Variants in TAFA4 observed in about 807,000 individuals in gnomAD.
TAFA4 encodes chemokine-like protein TAFA-4.
TAFA4 carries 20 observed loss-of-function variants against 21.1 expected under a neutral mutation model. The ratio of observed to expected loss-of-function variants is 0.95; its 90% confidence interval spans 0.67 to 1.38. TAFA4 has a LOEUF of 1.38. Ranked by LOEUF, TAFA4 falls within the 40% of genes most tolerant of loss-of-function variation. TAFA4 has a pLI of 0.00. For synonymous variants in TAFA4, 71 were observed against 67.4 expected, an observed-to-expected ratio of 1.05 and a Z score of -0.26; for missense variants, 211 against 180.9, an observed-to-expected ratio of 1.17 and a Z score of -0.95.
At chr3:68,843,083 T>C (rs1704702278) in intron 3 of TAFA4, among the ~76,000 whole-genome samples, 1 of 152,098 alleles carries the variant, frequency 6.6e-6, no homozygotes, top group African/African-American at 2.4e-5. Flanking sequence ...AAGTCAATGG[T>C]GGTTTGTTGG....
chr3:68,833,425 C>T (rs535536038), intron 3 of TAFA4, among the ~76,000 whole-genome samples: 2 of 152,116 alleles, frequency 1.3e-5, no homozygotes, highest in Non-Finnish European at 2.9e-5. Context: ...TAGAATCTTC[C>T]ATGCATGAAA....
chr3:68,897,423 T>G (rs1019655237), intron 1 of TAFA4, among the ~76,000 whole-genome samples: 6 of 151,860 alleles, frequency 4.0e-5, no homozygotes, highest in Admixed American at 1.3e-4. Flanking sequence ...ATCAGGAGGT[T>G]GAGACCAGTC....
intron 1 of TAFA4, among the ~76,000 whole-genome samples, chr3:68,930,735 A>G (rs1321434615): frequency 1.3e-5 from 2 of 152,170 alleles, no homozygotes; most frequent in African/African-American, 4.8e-5. Context: ...TAAGGCCTGT[A>G]TTTCCCATCT....
At chr3:68,755,577 C>A (rs2106757288) in intron 3 of TAFA4, among the ~76,000 whole-genome samples, 1 of 152,298 alleles carries the variant, frequency 6.6e-6, no homozygotes, top group Non-Finnish European at 1.5e-5. Context: ...AGCCCCTTCC[C>A]ACATGGCACC....
intron 1 of TAFA4, among the ~76,000 whole-genome samples, chr3:68,929,707 A>G (rs1327995109): frequency 6.6e-6 from 1 of 152,272 alleles, no homozygotes; most frequent in Non-Finnish European, 1.5e-5. Context: ...AAATCTACTT[A>G]TGCAAATTCT....
intron 3 of TAFA4, among the ~76,000 whole-genome samples, chr3:68,783,798 T>TA: frequency 6.6e-6 from 1 of 151,604 alleles, no homozygotes; most frequent in East Asian, 1.9e-4. Context: ...ATGGACTGAA[T>TA]AGATACCAAA....
chr3:68,879,969 C>A (rs2089596799), intron 3 of TAFA4, among the ~76,000 whole-genome samples: 1 of 152,160 alleles, frequency 6.6e-6, no homozygotes, highest in Non-Finnish European at 1.5e-5. Flanking sequence ...AGTCCATTGA[C>A]ACATATGAAT....
intron 3 of TAFA4, among the ~76,000 whole-genome samples, chr3:68,760,260 A>AT (rs916927807): frequency 2.6e-5 from 4 of 152,156 alleles, no homozygotes; most frequent in African/African-American, 7.2e-5. Flanking sequence ...AATACATATC[A>AT]TTTTTTTCTT....
intron 1 of TAFA4, among the ~76,000 whole-genome samples, chr3:68,923,509 G>A (rs182096554): frequency 5.3e-5 from 8 of 152,164 alleles, no homozygotes; most frequent in Admixed American, 4.6e-4. Context: ...CAACTCCAAC[G>A]AGAAGCAAAA....
intron 3 of TAFA4, among the ~76,000 whole-genome samples, chr3:68,809,140 G>A (rs903956484): frequency 6.6e-6 from 1 of 152,146 alleles, no homozygotes; most frequent in Non-Finnish European, 1.5e-5. Flanking sequence ...TGCTTTCAAG[G>A]AATGCCCTTT....
At chr3:68,866,437 A>T (rs575962114) in intron 3 of TAFA4, among the ~76,000 whole-genome samples, 140 of 152,154 alleles carry the variant, frequency 9.2e-4, no homozygotes, top group Non-Finnish European at 1.6e-3. Context: ...ACCTCTAAGC[A>T]AACATACCCC....
At chr3:68,866,006 A>G (rs2094089126) in intron 3 of TAFA4, among the ~76,000 whole-genome samples, 3 of 152,120 alleles carry the variant, frequency 2.0e-5, no homozygotes, top group Non-Finnish European at 2.9e-5. Flanking sequence ...CCAGCTTCCA[A>G]ACCATCTTGG....
At chr3:68,907,304 G>C (rs1165613760) in intron 1 of TAFA4, among the ~76,000 whole-genome samples, 4 of 152,176 alleles carry the variant, frequency 2.6e-5, no homozygotes, top group Admixed American at 2.6e-4. Flanking sequence ...ATTCTCAGTA[G>C]AATAGCTTTG....
intron 3 of TAFA4, among the ~76,000 whole-genome samples, chr3:68,788,114 C>T (rs751096282): frequency 6.6e-6 from 1 of 152,174 alleles, no homozygotes; most frequent in Non-Finnish European, 1.5e-5. Context: ...TAAAATAGAG[C>T]TTTCTCTACA....
At chr3:68,741,979 A>G (rs924408598) in intron 4 of TAFA4, among the ~76,000 whole-genome samples, 2 of 152,126 alleles carry the variant, frequency 1.3e-5, no homozygotes, top group Non-Finnish European at 2.9e-5. Flanking sequence ...ATCCTCAACA[A>G]AACACTAGCA....
chr3:68,828,628 T>C (rs1270620439), intron 3 of TAFA4, among the ~76,000 whole-genome samples: 6 of 152,196 alleles, frequency 3.9e-5, no homozygotes, highest in Non-Finnish European at 8.8e-5. Flanking sequence ...TATTTTATTC[T>C]CTTTGAGGCA....
chr3:68,831,541 C>T (rs1704391630), intron 3 of TAFA4, among the ~76,000 whole-genome samples: 1 of 151,986 alleles, frequency 6.6e-6, no homozygotes, highest in Non-Finnish European at 1.5e-5. Context: ...AGGGTTTCTG[C>T]AATCAGATCT....
intron 3 of TAFA4, among the ~76,000 whole-genome samples, chr3:68,764,714 A>G (rs1277196791): frequency 6.6e-6 from 1 of 152,112 alleles, no homozygotes; most frequent in Non-Finnish European, 1.5e-5. Flanking sequence ...TGGTTTTACT[A>G]TTGCCTAGTG....
At chr3:68,767,779 T>C (rs1371741131) in intron 3 of TAFA4, among the ~76,000 whole-genome samples, 1 of 152,018 alleles carries the variant, frequency 6.6e-6, no homozygotes, top group Non-Finnish European at 1.5e-5. Context: ...TATGTATACA[T>C]ACAAATATAT....
Sources: gnomAD v4.1 joint callset for allele counts (sites outside exome capture counted in the v4.1 genomes callset) on GRCh38, gnomAD v4.1.1 for gene constraint, MANE v1.5 for transcripts, NCBI Gene and HGNC (gene_info 2026-07-23, HGNC 2026-07-21) for gene names.